Variants in ROCK2 observed in about 807,000 individuals in gnomAD.
The protein encoded by ROCK2 is Rho associated coiled-coil containing protein kinase 2.
ROCK2 carries 61 observed loss-of-function variants against 195.1 expected under a neutral mutation model. The ratio of observed to expected loss-of-function variants is 0.31; its 90% confidence interval spans 0.25 to 0.39. The LOEUF (loss-of-function observed/expected upper bound fraction) is 0.39, where lower values mean the gene tolerates loss of function less well. Ranked by LOEUF, ROCK2 falls within the 10% of genes least tolerant of loss-of-function variation. The pLI is 1.00. For synonymous variants in ROCK2, 504 were observed against 545.5 expected, an observed-to-expected ratio of 0.92 and a Z score of 1.06; for missense variants, 1,109 against 1,637.4, an observed-to-expected ratio of 0.68 and a Z score of 5.57.
rs1038852342 is a variant in ROCK2 at position 11,182,498 on chromosome 2, C to A, written c.*939G>T. ...AGGATATATTAGTTCCAACACCATCCATTATTGTTTCTATAACCAATAATA... is the reference window on the plus strand; with the variant it reads ...AGGATATATTAGTTCCAACACCATCAATTATTGTTTCTATAACCAATAATA... On this transcript the variant is annotated 3_prime_UTR_variant, in exon 33 of 33. Coordinates refer to ENST00000315872, the MANE Select transcript of ROCK2 (RefSeq NM_004850.5). The A allele has an allele frequency of 6.6e-6, 1 of 152,144 alleles. No homozygotes were observed. Among genetic ancestry groups the A allele is most frequent in the Non-Finnish European group, 1.5e-5 (1 of 68,020 alleles). The allele number at this position is 152,144 out of a possible 1,614,324, so 9.4% of individuals were successfully genotyped here.
At chr2:11,312,687 C>A (rs1480181351) in intron 1 of ROCK2, among the ~76,000 whole-genome samples, 1 of 151,886 alleles carries the variant, frequency 6.6e-6, no homozygotes, top group Non-Finnish European at 1.5e-5. Flanking sequence ...AACCTGTATA[C>A]AAATGTTTTT....
At chr2:11,257,241 C>A (rs182951083) in intron 3 of ROCK2, among the ~76,000 whole-genome samples, 1 of 149,100 alleles carries the variant, frequency 6.7e-6, no homozygotes, top group Non-Finnish European at 1.5e-5. Context: ...AAAGGCCGAA[C>A]GCCTCAGAGA....
chr2:11,211,969 G>C (rs1664264110), intron 17 of ROCK2, 129 bp from the exon 18 acceptor site: 5 of 621,432 alleles, frequency 8.0e-6, no homozygotes, highest in African/African-American at 1.9e-5. Context: ...GCAGTGGTTT[G>C]ATTATGGCTC....
At position 11,292,369 on chromosome 2, in the gene ROCK2, C is replaced by G. The variant is rs192895708; in HGVS notation, c.142-4633G>C. Among the ~76,000 whole-genome samples, 8 of 152,222 alleles carry G rather than the reference C, an allele frequency of 5.3e-5. No homozygotes were observed. In the East Asian group the frequency reaches 1.4e-3, roughly 26 times the overall value. On this transcript the variant is annotated intron_variant, in intron 1 of 32. Coordinates refer to ENST00000315872, the MANE Select transcript of ROCK2 (RefSeq NM_004850.5). Reference sequence around the variant, plus strand: ...CATGCATTTAACATTTTATTCCTCACAGCATATAAGTTAATACTATTGTCA... The same window carrying G: ...CATGCATTTAACATTTTATTCCTCAGAGCATATAAGTTAATACTATTGTCA...
chr2:11,202,528 C>T (rs1034802213), intron 20 of ROCK2, among the ~76,000 whole-genome samples: 2 of 151,522 alleles, frequency 1.3e-5, no homozygotes, highest in Admixed American at 1.3e-4. Flanking sequence ...GACGGAGTCT[C>T]ACTCTGTCGC....
At chr2:11,268,522 C>CTGTGTGTGTGTGTGTG (rs70953378) in intron 3 of ROCK2, among the ~76,000 whole-genome samples, 15 of 140,656 alleles carry the variant, frequency 1.1e-4, no homozygotes, top group African/African-American at 3.6e-4. Context: ...CAGTTTTGCA[C>CTGTGTGTGTGTGTGTG]TGTGTGTGTG....
intron 20 of ROCK2, among the ~76,000 whole-genome samples, chr2:11,202,727 A>C (rs2148046725): frequency 6.6e-6 from 1 of 152,086 alleles, no homozygotes; most frequent in East Asian, 1.9e-4. Context: ...CGATCTCCTG[A>C]CCTTGTGATC....
At chr2:11,288,501 A>G (rs949075902) in intron 1 of ROCK2, among the ~76,000 whole-genome samples, 2 of 152,204 alleles carry the variant, frequency 1.3e-5, no homozygotes, top group Non-Finnish European at 2.9e-5. Context: ...GAAACAAATT[A>G]AGGCACAGAG....
intron 5 of ROCK2, chr2:11,234,399 ATCTTC>A (rs1258058439): frequency 1.6e-4 from 25 of 152,206 alleles, no homozygotes; most frequent in Non-Finnish European, 2.9e-4. Flanking sequence ...ACACAAAAAC[ATCTTC>A]TCTTATGTAT....
At chr2:11,339,542 C>CA (rs11309296) in intron 1 of ROCK2, among the ~76,000 whole-genome samples, 20 of 145,076 alleles carry the variant, frequency 1.4e-4, no homozygotes, top group African/African-American at 4.3e-4. Context: ...AAAAAAAAAA[C>CA]AAAAAAAAAA....
At chr2:11,317,576 T>TATATATATATATATA (rs1668236906) in intron 1 of ROCK2, among the ~76,000 whole-genome samples, 2 of 29,584 alleles carry the variant, frequency 6.8e-5, no homozygotes, top group Non-Finnish European at 5.7e-5. Context: ...ATCTACACAT[T>TATATATATATATATA]TATATATATA....
chr2:11,302,378 G>A (rs1373099862), intron 1 of ROCK2, among the ~76,000 whole-genome samples: 1 of 151,332 alleles, frequency 6.6e-6, no homozygotes, highest in Non-Finnish European at 1.5e-5. Flanking sequence ...GGAGTGCAGT[G>A]GTATGGTCTG....
chr2:11,181,328 T>C lies in ROCK2; in HGVS notation c.*2109A>G, dbSNP rs1490047657. On this transcript the variant is annotated 3_prime_UTR_variant, in exon 33 of 33. Transcript: ENST00000315872. ...ATGGAAATATTTATTCTATATAAAT[T>C]TATATATTTTTCATTTTTTAATCTT... 6.6e-6 allele frequency: 1 copy of C among 151,080 alleles called. No homozygotes were observed. Among genetic ancestry groups the C allele is most frequent in the African/African-American group, 2.4e-5 (1 of 41,310 alleles). 9.4% of individuals were successfully genotyped at this position (151,080 alleles called of 1,614,324 possible). A position where few individuals can be genotyped will look rare whatever the true frequency, so the allele number is the denominator to read the frequency against.
chr2:11,183,487 T>G (rs760148396), intron 32 of ROCK2, 47 bp from the exon 33 acceptor site: 1 of 1,393,810 alleles, frequency 7.2e-7, no homozygotes, highest in South Asian at 1.2e-5. Flanking sequence ...TGAAATAATT[T>G]AAGAGTGTTA....
In ROCK2 at chr2:11,235,815, C is replaced by A; in HGVS notation, c.610G>T (p.Ala204Ser). The change falls in exon 5 of 33, where the codon GCA (alanine) becomes TCA (serine). Residue 204 changes from alanine (A) to serine (S), a missense_variant. Coordinates refer to ENST00000315872, the MANE Select transcript of ROCK2 (RefSeq NM_004850.5). This position sits in a 1 kb window ranked among gnomAD's most constrained non-coding sequence, Gnocchi z 4.2. Reference sequence around the variant, plus strand: ...TGTATTAAACCCATGGAGTGTATTGCATCCAGAGCAAGAACAACTTCAGCA... The same window carrying A: ...TGTATTAAACCCATGGAGTGTATTGAATCCAGAGCAAGAACAACTTCAGCA... ...YTAEVVLALD[A>S]IHSMGLIHRD... The A allele has an allele frequency of 1.2e-6, 2 of 1,613,964 alleles. No homozygotes were observed. Among genetic ancestry groups the A allele is most frequent in the Non-Finnish European group, 1.7e-6 (2 of 1,179,950 alleles).
At chr2:11,256,663 G>C (rs967398217) in intron 3 of ROCK2, among the ~76,000 whole-genome samples, 1 of 151,054 alleles carries the variant, frequency 6.6e-6, no homozygotes, top group Admixed American at 6.6e-5. Flanking sequence ...GATCTACCAT[G>C]CAAACTGCAA....
Position 11,344,589 on chromosome 2 carries a change from T to A in ROCK2, c.-453A>T, listed in dbSNP as rs1398032110. ...ATGGTCGCCGCCGGCCGCCTTGCAG[T>A]CCCTCAGCCAGCTCCCGGCGCACAC... On this transcript the variant is annotated 5_prime_UTR_variant, in exon 1 of 33. Transcript: ENST00000315872. The surrounding 1 kb of genome is among the most constrained non-coding windows in gnomAD (Gnocchi z 5.4). The A allele has an allele frequency of 1.7e-6, 1 of 589,302 alleles. No individual in the cohort carries two copies. Among genetic ancestry groups the A allele is most frequent in the Non-Finnish European group, 2.1e-6 (1 of 476,690 alleles). The allele number at this position is 589,302 out of a possible 1,614,324, so 36.5% of individuals were successfully genotyped here. A position where few individuals can be genotyped will look rare whatever the true frequency, so the allele number is the denominator to read the frequency against.
In ROCK2 at chr2:11,183,418, C is replaced by A; in HGVS notation, c.*19G>T. The A allele has an allele frequency of 6.3e-7, 1 of 1,594,352 alleles. No individual in the cohort carries two copies. Among genetic ancestry groups the A allele is most frequent in the Non-Finnish European group, 8.6e-7 (1 of 1,167,690 alleles). ...AGAATACGATCACCTTGAATAATGACTGCTTTCATAGAAGGCAGTTAGCTG... is the reference window on the plus strand; with the variant it reads ...AGAATACGATCACCTTGAATAATGAATGCTTTCATAGAAGGCAGTTAGCTG... On this transcript the variant is annotated 3_prime_UTR_variant, in exon 33 of 33. Transcript: ENST00000315872.
intron 3 of ROCK2, among the ~76,000 whole-genome samples, chr2:11,283,587 C>CAGAAAGAAAGA (rs1553311849): frequency 1.1e-4 from 14 of 126,484 alleles, no homozygotes; most frequent in African/African-American, 3.7e-4. Flanking sequence ...AAAAAAAAAG[C>CAGAAAGAAAGA]AAGAAAGAAA....
Sources: allele counts gnomAD v4.1 joint callset (sites outside exome capture counted in the v4.1 genomes callset), GRCh38; gene constraint gnomAD v4.1.1; non-coding constraint Gnocchi (gnomAD v3.1); transcripts MANE v1.5; gene names NCBI Gene and HGNC (gene_info 2026-07-23, HGNC 2026-07-21).